The following RABGAP1L variants were observed in gnomAD, a reference collection of about 807,000 sequenced individuals.
The protein encoded by RABGAP1L is RAB GTPase activating protein 1 like, also known as rab GTPase-activating protein 1-like.
A neutral mutation model predicts 137.7 loss-of-function variants in RABGAP1L; 63 were observed. That is an observed-to-expected ratio of 0.46 (90% CI 0.37 to 0.56). The LOEUF is 0.56. Among genes scored for constraint, RABGAP1L ranks in the 20% least tolerant of loss-of-function variants. The pLI, the probability that RABGAP1L is intolerant of heterozygous loss-of-function variation, is 0.00. For synonymous variants in RABGAP1L, 431 were observed against 433.7 expected, an observed-to-expected ratio of 0.99 and a Z score of 0.08; for missense variants, 1,095 against 1,244.0, an observed-to-expected ratio of 0.88 and a Z score of 1.80.
At chr1:174,774,469 G>T (rs1686367429) in intron 18 of RABGAP1L, among the ~76,000 whole-genome samples, 1 of 151,946 alleles carries the variant, frequency 6.6e-6, no homozygotes, top group Middle Eastern at 3.2e-3. Context: ...TAGTGGCCTG[G>T]CATTGCACTC....
intron 14 of RABGAP1L, among the ~76,000 whole-genome samples, chr1:174,677,297 A>AACAAACAAGAATCAGGGAAGAT (rs1201523459): frequency 1.3e-5 from 2 of 152,196 alleles, no homozygotes; most frequent in African/African-American, 2.4e-5. Context: ...TCTCAAAACA[A>AACAAACAAGAATCAGGGAAGAT]ACAAACAAGA....
intron 1 of RABGAP1L, among the ~76,000 whole-genome samples, chr1:174,186,313 G>C (rs536947225): frequency 6.6e-6 from 1 of 152,094 alleles, no homozygotes; most frequent in African/African-American, 2.4e-5. Flanking sequence ...AATTCTCTAC[G>C]TAGCTGAATT....
chr1:174,700,861 C>T, intron 16 of RABGAP1L: 1 of 208,190 alleles, frequency 4.8e-6, no homozygotes, highest in Non-Finnish European at 9.6e-6. Context: ...CATATATTTT[C>T]AAAGGTCAGT....
intron 19 of RABGAP1L, among the ~76,000 whole-genome samples, chr1:174,950,667 A>G (rs969400447): frequency 6.6e-6 from 1 of 152,214 alleles, no homozygotes; most frequent in African/African-American, 2.4e-5. Flanking sequence ...AAGTGATACT[A>G]TATTACATTT....
At chr1:174,758,104 C>T (rs1684912953) in intron 18 of RABGAP1L, among the ~76,000 whole-genome samples, 1 of 151,864 alleles carries the variant, frequency 6.6e-6, no homozygotes, top group South Asian at 2.1e-4. Flanking sequence ...TTTTCCTTAC[C>T]ATTCCATTGA....
intron 13 of RABGAP1L, among the ~76,000 whole-genome samples, chr1:174,488,460 T>C (rs1051199442): frequency 2.6e-5 from 4 of 152,208 alleles, no homozygotes; most frequent in African/African-American, 9.6e-5. Flanking sequence ...GATACTTTTT[T>C]TATCCTTAAC....
intron 15 of RABGAP1L, among the ~76,000 whole-genome samples, chr1:174,691,078 A>T (rs1453725837): frequency 1.3e-5 from 2 of 151,922 alleles, no homozygotes; most frequent in African/African-American, 4.8e-5. Flanking sequence ...GTGATCACAC[A>T]CAGCCTCCCA....
chr1:174,737,903 G>T (rs751717414), intron 17 of RABGAP1L, among the ~76,000 whole-genome samples: 6 of 152,120 alleles, frequency 3.9e-5, no homozygotes, highest in African/African-American at 1.4e-4. Context: ...ACCAGATCTT[G>T]TGTGAACTAC....
intron 13 of RABGAP1L, among the ~76,000 whole-genome samples, chr1:174,550,983 C>CATATATATATATAT (rs1240073255): frequency 2.4e-5 from 2 of 83,426 alleles, no homozygotes; most frequent in Admixed American, 1.3e-4. Flanking sequence ...TGTATATATA[C>CATATATATATATAT]ATATATATAT....
Position 174,241,641 on chromosome 1 carries a change from G to T in RABGAP1L, c.701G>T (p.Cys234Phe). ...GAATTTCAGATACATGTTTTCTCCT[G>T]TGAAATTAAAGAGGCAGTAAGTATA... ...SEEFQIHVFS[C>F]EIKEAVSRIL... The change falls in exon 5 of 26, where the codon TGT becomes TTT. Residue 234 changes from cysteine to phenylalanine, a missense_variant. Coordinates refer to ENST00000681986, the MANE Select transcript of RABGAP1L (RefSeq NM_001366446.1). 6.2e-7 allele frequency: 1 copy of T among 1,612,366 alleles called. No homozygotes were observed. Among genetic ancestry groups the T allele is most frequent in the Non-Finnish European group, 8.5e-7 (1 of 1,179,314 alleles).
intron 5 of RABGAP1L, among the ~76,000 whole-genome samples, chr1:174,249,978 C>G (rs1205724252): frequency 6.6e-6 from 1 of 152,132 alleles, no homozygotes; most frequent in African/African-American, 2.4e-5. Context: ...TGCTCAGATC[C>G]TAGTTGCAGC....
intron 13 of RABGAP1L, among the ~76,000 whole-genome samples, chr1:174,451,506 C>T (rs2149258912): frequency 6.6e-6 from 1 of 152,282 alleles, no homozygotes; most frequent in Middle Eastern, 3.4e-3. Context: ...ATTATTTCCA[C>T]TCCAGAGATA....
intron 14 of RABGAP1L, among the ~76,000 whole-genome samples, chr1:174,647,312 T>C (rs2148375235): frequency 6.6e-6 from 1 of 152,284 alleles, no homozygotes; most frequent in South Asian, 2.1e-4. Flanking sequence ...GCTTCCAGCT[T>C]TTGCCCATTC....
chr1:174,950,606 T>C (rs1166293064), intron 19 of RABGAP1L, among the ~76,000 whole-genome samples: 2 of 152,220 alleles, frequency 1.3e-5, no homozygotes, highest in African/African-American at 4.8e-5. Context: ...CTTGCAAAAA[T>C]AACTGTGACT....
intron 20 of RABGAP1L, among the ~76,000 whole-genome samples, chr1:174,962,062 C>T (rs1669169659): frequency 6.6e-6 from 1 of 151,882 alleles, no homozygotes; most frequent in African/African-American, 2.4e-5. Flanking sequence ...GTAGTCCCAG[C>T]TACTTGGGAG....
At chr1:174,863,689 G>A (rs7545910) in intron 19 of RABGAP1L, among the ~76,000 whole-genome samples, 86,890 of 147,928 alleles carry the variant, frequency 0.59, 27,442 homozygotes, top group African/African-American at 0.85. Context: ...AAAAAAAAAG[G>A]AATGTTTTCT....
intron 13 of RABGAP1L, among the ~76,000 whole-genome samples, chr1:174,416,300 C>CA (rs2149146962): frequency 6.6e-6 from 1 of 152,106 alleles, no homozygotes; most frequent in African/African-American, 2.4e-5. Flanking sequence ...AACTGCTCAT[C>CA]AGCTGCCTGC....
intron 13 of RABGAP1L, among the ~76,000 whole-genome samples, chr1:174,435,823 CGT>C (rs1653216698): frequency 7.5e-6 from 1 of 134,010 alleles, no homozygotes; most frequent in African/African-American, 3.2e-5. Flanking sequence ...ACACCACAAC[CGT>C]CCCCGGTGTG....
At chr1:174,905,767 C>A (rs1327196459) in intron 19 of RABGAP1L, among the ~76,000 whole-genome samples, 2 of 152,118 alleles carry the variant, frequency 1.3e-5, no homozygotes, top group African/African-American at 4.8e-5. Context: ...AGGAGAATCA[C>A]TTGACCCCAC....
Sources: gnomAD v4.1 joint callset for allele counts (sites outside exome capture counted in the v4.1 genomes callset) on GRCh38, gnomAD v4.1.1 for gene constraint, MANE v1.5 for transcripts, NCBI Gene and HGNC (gene_info 2026-07-23, HGNC 2026-07-21) for gene names.